Variants in CTNNA2 observed in about 807,000 individuals in gnomAD.
CTNNA2 encodes the protein catenin alpha-2.
CTNNA2 carries 42 observed loss-of-function variants against 101.0 expected under a neutral mutation model. The observed-to-expected ratio is 0.42, with a 90% CI of 0.32 to 0.54. The LOEUF (loss-of-function observed/expected upper bound fraction) is 0.54, where lower values mean the gene tolerates loss of function less well. CTNNA2 is among the 20% of genes least tolerant of loss of function. The pLI is 0.14. For missense variants in CTNNA2, 871 were observed against 1,223.1 expected (o/e 0.71, Z 4.29); for synonymous variants, 450 against 456.4 (o/e 0.99, Z 0.18).
Position 80,537,184 on chromosome 2 carries a change from T to C in CTNNA2, c.1291-7798T>C, listed in dbSNP as rs148423654. On this transcript the variant is annotated intron_variant, in intron 9 of 18. Coordinates refer to ENST00000402739, the MANE Select transcript of CTNNA2 (RefSeq NM_001282597.3). ...AGTGAGAACATGCAGTGTTTGGTTT[T>C]CTGTTCCTGTGTTAGTTTGCTGAGA... Among the ~76,000 whole-genome samples, 634 of 152,318 alleles carry C rather than the reference T, an allele frequency of 4.2e-3. 4 individuals carry two copies. The highest frequency in any genetic ancestry group is 0.014 in the African/African-American group (597 of 41,574).
intron 14 of CTNNA2, among the ~76,000 whole-genome samples, chr2:80,587,102 G>C (rs1166931512): frequency 6.6e-6 from 1 of 152,102 alleles, no homozygotes; most frequent in Non-Finnish European, 1.5e-5. Context: ...CTTAGTTCAG[G>C]TGGGTTTGAA....
chr2:79,823,352 GT>G (rs1372762842), intron 3 of CTNNA2, among the ~76,000 whole-genome samples: 1 of 152,120 alleles, frequency 6.6e-6, no homozygotes, highest in Non-Finnish European at 1.5e-5. Flanking sequence ...ATTACAAACT[GT>G]TTAAGAGACA....
intron 14 of CTNNA2, chr2:80,586,628 A>G (rs1695995152): frequency 6.6e-6 from 1 of 152,230 alleles, no homozygotes; most frequent in Non-Finnish European, 1.5e-5. Context: ...TATGAACACA[A>G]CATTGCAAAT....
chr2:80,350,499 C>T (rs951893964), intron 7 of CTNNA2, among the ~76,000 whole-genome samples: 1 of 152,168 alleles, frequency 6.6e-6, no homozygotes, highest in Non-Finnish European at 1.5e-5. Flanking sequence ...AGAAGTGGCA[C>T]ATAGAGCATT....
intron 1 of CTNNA2, 118 bp from the exon 2 acceptor site, chr2:79,651,434 C>A: frequency 3.3e-6 from 3 of 912,478 alleles, no homozygotes; most frequent in Non-Finnish European, 5.1e-6. Context: ...CCAGGTTGGA[C>A]CAGAGAGGCT....
At chr2:80,340,501 G>C (rs552753719) in intron 7 of CTNNA2, among the ~76,000 whole-genome samples, 68 of 152,192 alleles carry the variant, frequency 4.5e-4, no homozygotes, top group Middle Eastern at 3.4e-3. Context: ...CTACTAGATT[G>C]GGAAGAATTG....
intron 7 of CTNNA2, among the ~76,000 whole-genome samples, chr2:79,981,200 A>G (rs910892715): frequency 2.0e-5 from 3 of 152,176 alleles, no homozygotes; most frequent in African/African-American, 7.2e-5. Context: ...AACAGAGGGG[A>G]AAAAACAGGA....
intron 4 of CTNNA2, among the ~76,000 whole-genome samples, chr2:79,415,813 G>C (rs1010926782): frequency 1.3e-5 from 2 of 151,964 alleles, no homozygotes; most frequent in Admixed American, 6.6e-5. Flanking sequence ...AGGTCTATCT[G>C]TTCTTACCTT....
chr2:79,797,651 ACT>A (rs1675822932), intron 3 of CTNNA2, among the ~76,000 whole-genome samples: 4 of 100,088 alleles, frequency 4.0e-5, no homozygotes, highest in African/African-American at 1.9e-4. Context: ...ACAGAGCAAG[ACT>A]CTGTCTTAAA....
At chr2:80,524,435 A>G (rs1207081597) in intron 9 of CTNNA2, among the ~76,000 whole-genome samples, 3 of 152,140 alleles carry the variant, frequency 2.0e-5, no homozygotes, top group African/African-American at 7.2e-5. Context: ...AGTGCTCTTT[A>G]GGTGACATTT....
At chr2:80,014,638 A>G (rs1694012493) in intron 7 of CTNNA2, among the ~76,000 whole-genome samples, 1 of 152,120 alleles carries the variant, frequency 6.6e-6, no homozygotes. Flanking sequence ...CATTCTTTCA[A>G]ACTTCAGCAA....
At chr2:79,294,769 A>G (rs1311959505) in intron 2 of CTNNA2, among the ~76,000 whole-genome samples, 1 of 152,160 alleles carries the variant, frequency 6.6e-6, no homozygotes, top group African/African-American at 2.4e-5. Flanking sequence ...CCATTTCACT[A>G]AAGGTAAGAC....
chr2:79,761,571 C>T (rs1300033145), intron 3 of CTNNA2, among the ~76,000 whole-genome samples: 4 of 151,998 alleles, frequency 2.6e-5, no homozygotes, highest in South Asian at 2.1e-4. Context: ...AAAATGTGCA[C>T]GTATTTGTAT....
intron 3 of CTNNA2, among the ~76,000 whole-genome samples, chr2:79,370,606 T>A (rs1156968689): frequency 6.6e-6 from 1 of 151,880 alleles, no homozygotes; most frequent in East Asian, 1.9e-4. Context: ...CCCTGTATTA[T>A]TTTTTAAAGC....
At chr2:80,245,064 C>G (rs1671219521) in intron 7 of CTNNA2, among the ~76,000 whole-genome samples, 1 of 152,218 alleles carries the variant, frequency 6.6e-6, no homozygotes, top group Admixed American at 6.6e-5. Context: ...CTGAACCTTG[C>G]AAAGTGTTCA....
At chr2:80,307,618 C>T (rs895650106) in intron 7 of CTNNA2, among the ~76,000 whole-genome samples, 15 of 152,158 alleles carry the variant, frequency 9.9e-5, no homozygotes, top group African/African-American at 2.4e-4. Flanking sequence ...CTCTTCTTCC[C>T]GGGTGACCAT....
chr2:79,994,266 T>C (rs17018376), intron 7 of CTNNA2, among the ~76,000 whole-genome samples: 27,380 of 152,170 alleles, frequency 0.18, 2,728 homozygotes, highest in East Asian at 0.31. Context: ...TAAAACTTTG[T>C]CTTCTTGAGC....
At chr2:79,956,027 A>G (rs539751011) in intron 7 of CTNNA2, among the ~76,000 whole-genome samples, 1 of 152,240 alleles carries the variant, frequency 6.6e-6, no homozygotes, top group Admixed American at 6.5e-5. Context: ...ATTCCTGTTT[A>G]TGCTTAAACT....
chr2:79,440,429 G>A (rs1032906276), intron 4 of CTNNA2, among the ~76,000 whole-genome samples: 2 of 152,120 alleles, frequency 1.3e-5, no homozygotes, highest in African/African-American at 4.8e-5. Flanking sequence ...TGGCCCTTTG[G>A]TAAAAGGAAA....
Sources: gnomAD v4.1 joint callset for allele counts (sites outside exome capture counted in the v4.1 genomes callset) on GRCh38, gnomAD v4.1.1 for gene constraint, MANE v1.5 for transcripts, NCBI Gene and HGNC (gene_info 2026-07-23, HGNC 2026-07-21) for gene names.